SORCS3: variants seen among roughly 807,000 people sequenced by gnomAD.
SORCS3 encodes sortilin related VPS10 domain containing receptor 3.
Under a neutral mutation model 146.3 loss-of-function variants are expected in SORCS3, and 57 were observed. The observed-to-expected ratio is 0.39, with a 90% CI of 0.31 to 0.49. SORCS3 has a LOEUF of 0.49. Ranked by LOEUF, SORCS3 falls within the 20% of genes least tolerant of loss-of-function variation. The probability of loss-of-function intolerance (pLI) is 0.92; values close to 1 mark genes in which losing one functional copy is unlikely to be tolerated. For synonymous variants in SORCS3, 653 were observed against 618.5 expected, an observed-to-expected ratio of 1.06 and a Z score of -0.83; for missense variants, 1,341 against 1,575.5, an observed-to-expected ratio of 0.85 and a Z score of 2.52.
intron 7 of SORCS3, among the ~76,000 whole-genome samples, chr10:105,112,585 A>G (rs2055865801): frequency 6.6e-6 from 1 of 152,056 alleles, no homozygotes; most frequent in South Asian, 2.1e-4. Flanking sequence ...GTGGTTTTCT[A>G]CCTGTTCCTG....
rs1270348506 is a variant in SORCS3, at chr10:105,105,516, G to T, written c.1212+1G>T. The T allele has an allele frequency of 6.2e-7, 1 of 1,602,946 alleles. No homozygotes were observed. Among genetic ancestry groups the T allele is most frequent in the South Asian group, 1.1e-5 (1 of 90,818 alleles). Reference sequence around the variant, plus strand: ...CCAGGATGAATATATCTTCATTCAGGTGAGTACAGAAAGTGCAGTTGGTGG... The same window carrying T: ...CCAGGATGAATATATCTTCATTCAGTTGAGTACAGAAAGTGCAGTTGGTGG... On this transcript the variant is annotated splice_donor_variant, in intron 7 of 26. Coordinates refer to ENST00000369701, the MANE Select transcript of SORCS3 (RefSeq NM_014978.3). LOFTEE classifies it high-confidence loss of function.
At chr10:104,982,759 A>G (rs775024102) in intron 4 of SORCS3, among the ~76,000 whole-genome samples, 9 of 152,102 alleles carry the variant, frequency 5.9e-5, no homozygotes, top group Non-Finnish European at 8.8e-5. Context: ...CAACCACCTA[A>G]TGGGTGTGGC....
rs569304495 is a variant in SORCS3 at position 104,924,265 on chromosome 10, G to T, written c.795+8333G>T. ...TAGAGTCACTTGCCTCAGAGCTGGG[G>T]CGGGAGCAGTTTACAGACTCCTAGT... On this transcript the variant is annotated intron_variant, in intron 3 of 26. Transcript: ENST00000369701. Among the ~76,000 whole-genome samples, 10 of 152,300 alleles carry T rather than the reference G, an allele frequency of 6.6e-5. No homozygotes were observed. In the East Asian group the frequency reaches 1.7e-3, roughly 26 times the overall value.
intron 25 of SORCS3, among the ~76,000 whole-genome samples, chr10:105,259,323 C>T (rs1189182597): frequency 1.3e-5 from 2 of 152,188 alleles, no homozygotes; most frequent in Non-Finnish European, 2.9e-5. Flanking sequence ...GTGTCCAGAT[C>T]ATTGGCCATA....
At chr10:105,035,668 A>G (rs1016076236) in intron 4 of SORCS3, among the ~76,000 whole-genome samples, 10 of 152,040 alleles carry the variant, frequency 6.6e-5, no homozygotes, top group Admixed American at 2.6e-4. Context: ...GGGTTTCACC[A>G]TGTTGGCCAG....
intron 1 of SORCS3, among the ~76,000 whole-genome samples, chr10:104,735,991 C>T (rs1321612271): frequency 6.6e-6 from 1 of 152,084 alleles, no homozygotes; most frequent in Non-Finnish European, 1.5e-5. Flanking sequence ...TTTTCTTCTT[C>T]TTTTTAGTAG....
chr10:104,683,303 A>G (rs2016002048), intron 1 of SORCS3, among the ~76,000 whole-genome samples: 1 of 152,230 alleles, frequency 6.6e-6, no homozygotes, highest in South Asian at 2.1e-4. Context: ...TCTTAGAGAC[A>G]GGATACACTT....
intron 1 of SORCS3, among the ~76,000 whole-genome samples, chr10:104,717,443 T>G (rs1462682587): frequency 6.6e-6 from 1 of 152,162 alleles, no homozygotes; most frequent in Non-Finnish European, 1.5e-5. Context: ...TCCTTTCCAG[T>G]CCCGGACACC....
intron 1 of SORCS3, among the ~76,000 whole-genome samples, chr10:104,795,714 G>T (rs2017547304): frequency 6.6e-6 from 1 of 152,226 alleles, no homozygotes; most frequent in Admixed American, 6.5e-5. Flanking sequence ...CGCTAAGTTG[G>T]AGTTGGTGGT....
intron 1 of SORCS3, among the ~76,000 whole-genome samples, chr10:104,691,373 A>G (rs1589459312): frequency 6.6e-6 from 1 of 152,240 alleles, no homozygotes; most frequent in South Asian, 2.1e-4. Context: ...CAAAATTATT[A>G]AAAGAGACAG....
At chr10:104,919,555 T>G (rs772723231) in intron 3 of SORCS3, among the ~76,000 whole-genome samples, 5 of 151,872 alleles carry the variant, frequency 3.3e-5, no homozygotes, top group Non-Finnish European at 7.4e-5. Flanking sequence ...CCAGGCGTGG[T>G]GGTACATGCC....
At chr10:104,856,656 T>A (rs2018337594) in intron 2 of SORCS3, among the ~76,000 whole-genome samples, 1 of 146,312 alleles carries the variant, frequency 6.8e-6, no homozygotes, top group Non-Finnish European at 1.5e-5. Context: ...ATATATAAAT[T>A]ATTTCTTGCA....
rs373800924 is a variant in SORCS3, at chr10:105,088,238, C to T, written c.1029-1537C>T. The stretch of plus-strand genomic sequence containing the variant: ...ATTTTTTTCTGTGCCTCAATTTCTC[C>T]TTCAGTCAAACATGACTAATGATGC... On this transcript the variant is annotated intron_variant, in intron 5 of 26. Coordinates refer to ENST00000369701, the MANE Select transcript of SORCS3 (RefSeq NM_014978.3). Among the ~76,000 whole-genome samples, 39 of 152,304 alleles carry T rather than the reference C, an allele frequency of 2.6e-4. No homozygotes were observed. The South Asian group carries it at 8.1e-3, about 32-fold the overall frequency.
intron 9 of SORCS3, among the ~76,000 whole-genome samples, chr10:105,148,201 A>G (rs910395428): frequency 6.6e-6 from 1 of 152,016 alleles, no homozygotes; most frequent in Non-Finnish European, 1.5e-5. Context: ...AATTATTTGG[A>G]AAGTCCTGTT....
At chr10:105,240,541 A>G (rs1446935978) in intron 20 of SORCS3, among the ~76,000 whole-genome samples, 1 of 152,196 alleles carries the variant, frequency 6.6e-6, no homozygotes, top group Non-Finnish European at 1.5e-5. Context: ...GCATACATCC[A>G]TTAGTCTATC....
chr10:104,936,753 A>G (rs1370142745), intron 3 of SORCS3, among the ~76,000 whole-genome samples: 1 of 152,232 alleles, frequency 6.6e-6, no homozygotes, highest in Non-Finnish European at 1.5e-5. Flanking sequence ...ATGCAAGTAA[A>G]CCCAGACTGC....
At chr10:105,139,334 C>T in intron 7 of SORCS3, 63 bp from the exon 8 acceptor site, 1 of 1,245,392 alleles carries the variant, frequency 8.0e-7, no homozygotes, top group Non-Finnish European at 1.2e-6. Flanking sequence ...AGAGCTAATA[C>T]TTTCCAACTT....
At chr10:104,765,506 A>G (rs889032374) in intron 1 of SORCS3, among the ~76,000 whole-genome samples, 1 of 152,140 alleles carries the variant, frequency 6.6e-6, no homozygotes. Context: ...AACGTACATG[A>G]AAACACCCAG....
At chr10:104,657,090 A>G (rs924226625) in intron 1 of SORCS3, among the ~76,000 whole-genome samples, 13 of 152,184 alleles carry the variant, frequency 8.5e-5, no homozygotes, top group Non-Finnish European at 1.8e-4. Flanking sequence ...TCAGTTATCA[A>G]GAAGCATGTG....
Sources: allele counts gnomAD v4.1 joint callset (sites outside exome capture counted in the v4.1 genomes callset), GRCh38; gene constraint gnomAD v4.1.1; transcripts MANE v1.5; gene names NCBI Gene and HGNC (gene_info 2026-07-23, HGNC 2026-07-21).